The following WDR90 variants were observed in gnomAD, a reference collection of about 807,000 sequenced individuals.
The protein encoded by WDR90 is WD repeat-containing protein 90.
Under a neutral mutation model 195.2 loss-of-function variants are expected in WDR90, and 238 were observed. The ratio of observed to expected loss-of-function variants is 1.22; its 90% CI spans 1.10 to 1.36. WDR90 has a LOEUF of 1.36. Among genes scored for constraint, WDR90 ranks in the 40% most tolerant of loss-of-function variants. WDR90 has a pLI of 0.00. For synonymous variants in WDR90, 1,265 were observed against 1,052.4 expected (o/e 1.20, Z -3.91); for missense variants, 2,734 against 2,439.5 (o/e 1.12, Z -2.54).
rs2038038403 is a variant in WDR90, at chr16:666,289, TC to T, written c.4681del (p.Arg1561ValfsTer3). 2 of 1,612,598 alleles carry T rather than the reference TC, an allele frequency of 1.2e-6. No individual in the cohort carries two copies. The highest frequency in any genetic ancestry group is 1.7e-6 in the Non-Finnish European group (2 of 1,179,990). On this transcript the variant is annotated frameshift_variant, in exon 37 of 41. Coordinates refer to ENST00000293879, the MANE Select transcript of WDR90 (RefSeq NM_145294.5). LOFTEE classifies it high-confidence loss of function. Reference protein sequence around the residue: ...AVSHPCTGTTFRVLSDHQGAP... With the variant: ...AVSHPCTGTTXRVLSDHQGAP... ...AGCCACCCCTGCACAGGGACAACCTTCCGTGTGCTGAGTGACCACCAGGGCG... is the reference window on the plus strand; with the variant it reads ...AGCCACCCCTGCACAGGGACAACCTTCGTGTGCTGAGTGACCACCAGGGCG...
At position 649,764 on chromosome 16, in the gene WDR90, G is replaced by T; in HGVS notation, c.12G>T (p.Ala4=). The T allele has an allele frequency of 6.4e-7, 1 of 1,556,242 alleles. No individual in the cohort carries two copies. The highest frequency in any genetic ancestry group is 8.7e-7 in the Non-Finnish European group (1 of 1,150,832). The change falls in exon 2 of 41, where the codon GCG becomes GCT. Residue 4 remains alanine (A), a splice_region_variant and synonymous_variant. Coordinates refer to ENST00000293879, the MANE Select transcript of WDR90 (RefSeq NM_145294.5). ...ACGCCCGGCGCCCGCTCCCCGCAGC[G>T]TGGCAGCACCCGTTCCTCAACGTCT... MAR[A]WQHPFLNVFR...
intron 20 of WDR90, 153 bp downstream of exon 20, chr16:657,374 C>T (rs960850484): frequency 5.0e-6 from 6 of 1,203,104 alleles, no homozygotes; most frequent in Non-Finnish European, 5.6e-6. Context: ...TTGTCAAGGC[C>T]CTGAGGAGAC....
chr16:656,573 C>A, intron 18 of WDR90, 36 bp downstream of exon 18: 1 of 1,563,640 alleles, frequency 6.4e-7, no homozygotes, highest in South Asian at 1.1e-5. Flanking sequence ...CAGGGAGGGC[C>A]GGGAGGTCCT....
chr16:661,615 C>A lies in WDR90; in HGVS notation c.3692C>A (p.Thr1231Asn). Residue 1231 changes from threonine (T) to asparagine (N), a missense_variant, in exon 31 of 41, where the codon ACC becomes AAC. Coordinates refer to ENST00000293879, the MANE Select transcript of WDR90 (RefSeq NM_145294.5). ...TTCCCAGGGGACCACGATGGCCGCA[C>A]CCTCGCCCTGTGGGGCACGGCCACC... ...LVTLGDHDGR[T>N]LALWGTATYD... 6.3e-7 allele frequency: 1 copy of A among 1,596,860 alleles called. No homozygotes were observed. The highest frequency in any genetic ancestry group is 8.5e-7 in the Non-Finnish European group (1 of 1,170,840).
Position 658,684 on chromosome 16 carries a change from C to T in WDR90, c.2895+31C>T, listed in dbSNP as rs187946650. On this transcript the variant is annotated intron_variant, in intron 23 of 40. Coordinates refer to ENST00000293879, the MANE Select transcript of WDR90 (RefSeq NM_145294.5). ...TGCGTGGGGAGGCAGGTGGCTTTGG[C>T]GGTCAGGAGCCTCCTCAGGTGGCCC... 1.6e-4 allele frequency: 251 copies of T among 1,594,728 alleles called. 1 individual carries two copies. The African/African-American group carries it at 2.2e-3, about 14-fold the overall frequency.
rs748997488 is a variant in WDR90 at position 650,120 on chromosome 16, C to T, written c.232C>T (p.Pro78Ser). ...TGRYLYVLFR[P>S]LPSKHFVIHL... ...ACGATACCTGTATGTGCTCTTTCGG[C>T]CCCTGCCCAGCAAGCACTTCGTCAT... Residue 78 changes from proline to serine, a missense_variant, in exon 3 of 41, where the codon CCC becomes TCC. By Grantham distance (74) the Pro-to-Ser change is moderately conservative. Coordinates refer to ENST00000293879, the MANE Select transcript of WDR90 (RefSeq NM_145294.5). The T allele has an allele frequency of 3.1e-6, 5 of 1,613,110 alleles. No individual in the cohort carries two copies. In the South Asian group the frequency reaches 3.3e-5, roughly 11 times the overall value.
In WDR90 at chr16:662,003, G is replaced by T. The variant is rs751603702; in HGVS notation, c.3977G>T (p.Trp1326Leu). The T allele has an allele frequency of 1.2e-6, 2 of 1,604,482 alleles. No individual in the cohort carries two copies. The highest frequency in any genetic ancestry group is 1.3e-5 in the African/African-American group (1 of 75,040). ...ACCAGCTCTGGCCAGGTCTGTGTCT[G>T]GGACACGCGTGCCGGCCGCTGCTTC... Reference protein sequence around the residue: ...CGTSSGQVCVWDTRAGRCFLS... With the variant: ...CGTSSGQVCVLDTRAGRCFLS... The change falls in exon 32 of 41, where the codon TGG (tryptophan) becomes TTG (leucine). Residue 1326 changes from tryptophan (W) to leucine (L), a missense_variant. Trp to Leu is a moderately conservative substitution (Grantham distance 61, BLOSUM62 -2). Transcript: ENST00000293879.
chr16:652,228 G>A, intron 9 of WDR90, 189 bp downstream of exon 9: 4 of 839,788 alleles, frequency 4.8e-6, no homozygotes, highest in Admixed American at 5.4e-5. Flanking sequence ...AGTAAGGCAG[G>A]GCTTCTGCTC....
chr16:660,285 G>A lies in WDR90; in HGVS notation c.3288+124G>A, dbSNP rs141077866. 4.9e-3 allele frequency: 4,514 copies of A among 916,238 alleles called. 12 individuals carry two copies. Among genetic ancestry groups the A allele is most frequent in the Middle Eastern group, 7.1e-3 (21 of 2,952 alleles). 56.8% of individuals were successfully genotyped at this position (916,238 alleles called of 1,614,324 possible). On this transcript the variant is annotated intron_variant, in intron 27 of 40. Transcript: ENST00000293879. ...AAGGTGATGGCTCTGGCCCTTGGGC[G>A]CCTGTCCCCTGGAGGCAACTTCATC...
intron 17 of WDR90, 38 bp downstream of exon 17, chr16:655,927 C>A: frequency 6.4e-7 from 1 of 1,552,926 alleles, no homozygotes. Flanking sequence ...TCCGGGAGAG[C>A]CTCGCCTGGA....
chr16:661,524 G>A lies in WDR90; in HGVS notation c.3673+23G>A, dbSNP rs751165694. ...TGGGTCAGTGGGAGGGAGGGTGGAGGCCAGGGGCTTCCCTAGACCCCGGGG... is the reference window on the plus strand; with the variant it reads ...TGGGTCAGTGGGAGGGAGGGTGGAGACCAGGGGCTTCCCTAGACCCCGGGG... On this transcript the variant is annotated intron_variant, in intron 30 of 40. Transcript: ENST00000293879. The A allele has an allele frequency of 3.4e-5, 54 of 1,576,744 alleles. No individual in the cohort carries two copies. The Middle Eastern group carries it at 5.0e-4, about 15-fold the overall frequency.
At position 667,698 on chromosome 16, in the gene WDR90, C is replaced by T. The variant is rs769342577; in HGVS notation, c.*109C>T. The T allele has an allele frequency of 2.0e-6, 3 of 1,518,602 alleles. No individual in the cohort carries two copies. Among genetic ancestry groups the T allele is most frequent in the African/African-American group, 1.4e-5 (1 of 72,984 alleles). The allele number at this position is 1,518,602 out of a possible 1,614,324, so 94.1% of individuals were successfully genotyped here. On this transcript the variant is annotated 3_prime_UTR_variant, in exon 41 of 41. Transcript: ENST00000293879. ...TCAATGGCCTCATGCTGGGACAGGC[C>T]AGGATTCACGTAAATCGCCTGGAGC...
Position 661,900 on chromosome 16 carries a change from G to C in WDR90, c.3874G>C (p.Glu1292Gln). ...GADISLQVRR[E>Q]PVPEAVGAGE... is the part of the protein sequence containing the mutation. ...TCTCATACTTTGCCAGGTGCGTCGA[G>C]AGCCAGTCCCAGAGGCAGTGGGGGC... The change falls in exon 32 of 41, where the codon GAG becomes CAG. Residue 1292 changes from glutamate to glutamine, a missense_variant. Glu to Gln is a conservative substitution (Grantham distance 29). Coordinates refer to ENST00000293879, the MANE Select transcript of WDR90 (RefSeq NM_145294.5). 1 of 1,609,640 alleles carries C rather than the reference G, an allele frequency of 6.2e-7. No homozygotes were observed. Among genetic ancestry groups the C allele is most frequent in the Non-Finnish European group, 8.5e-7 (1 of 1,178,510 alleles).
Position 653,632 on chromosome 16 carries a change from C to T in WDR90, c.1341C>T (p.Cys447=), listed in dbSNP as rs1555461456. 1 of 1,613,556 alleles carries T rather than the reference C, an allele frequency of 6.2e-7. No homozygotes were observed. Among genetic ancestry groups the T allele is most frequent in the East Asian group, 2.2e-5 (1 of 44,884 alleles). The change falls in exon 12 of 41, where the codon TGC becomes TGT. Residue 447 remains cysteine (C), a synonymous_variant. Coordinates refer to ENST00000293879, the MANE Select transcript of WDR90 (RefSeq NM_145294.5). ...ACTTCCAGACCGGGCGGTGCTTGTG[C>T]CTGTTCCGGAGCCCAATGCACGTTG... ...LWDFQTGRCL[C]LFRSPMHVVC...
intron 21 of WDR90, 94 bp from the exon 22 acceptor site, chr16:658,089 G>C (rs538257175): frequency 2.1e-5 from 32 of 1,510,186 alleles, no homozygotes; most frequent in Non-Finnish European, 2.8e-5. Context: ...GGTGCCGAGT[G>C]CGTGTCCCCG....
chr16:655,831 T>C lies in WDR90; in HGVS notation c.1908T>C (p.Ser636=), dbSNP rs764215500. ...CCCCGGCCATGTGTGCTGTGGGCTC[T>C]GAGGACGGCTTCTTGCGGCTCTGGC... The part of the protein sequence containing the change: ...SVSPAMCAVG[S]EDGFLRLWPL... Residue 636 remains serine, a synonymous_variant, in exon 17 of 41, where the codon TCT becomes TCC. Coordinates refer to ENST00000293879, the MANE Select transcript of WDR90 (RefSeq NM_145294.5). 3.1e-6 allele frequency: 5 copies of C among 1,598,578 alleles called. No individual in the cohort carries two copies. The highest frequency in any genetic ancestry group is 4.3e-6 in the Non-Finnish European group (5 of 1,174,448).
At chr16:655,507 G>C in intron 15 of WDR90, 39 bp downstream of exon 15, 1 of 1,539,014 alleles carries the variant, frequency 6.5e-7, no homozygotes, top group Non-Finnish European at 8.8e-7. Flanking sequence ...CCCCGGCATG[G>C]GGGCCCTGGT....
At chr16:661,548 G>A (rs768436117) in intron 30 of WDR90, 47 bp downstream of exon 30, 21 of 1,580,538 alleles carry the variant, frequency 1.3e-5, no homozygotes, top group East Asian at 2.3e-5. Context: ...TAGACCCCGG[G>A]GGGGGCTGCA....
intron 7 of WDR90, among the ~76,000 whole-genome samples, 186 bp downstream of exon 7, chr16:651,452 A>C (rs2066703299): frequency 6.6e-6 from 1 of 152,008 alleles, no homozygotes. Flanking sequence ...TGTGAGGGGT[A>C]CCCGGGGGCC....
Sources: allele counts gnomAD v4.1 joint callset (sites outside exome capture counted in the v4.1 genomes callset), GRCh38; gene constraint gnomAD v4.1.1; transcripts MANE v1.5; gene names NCBI Gene and HGNC (gene_info 2026-07-23, HGNC 2026-07-21).